TRERF1: variants seen among roughly 807,000 people sequenced by gnomAD.
TRERF1 encodes the protein transcriptional regulating factor 1.
Under a neutral mutation model 122.9 loss-of-function variants are expected in TRERF1, and 27 were observed. That is an observed-to-expected ratio of 0.22 (90% CI 0.16 to 0.30). The LOEUF is 0.30. Among genes scored for constraint, TRERF1 ranks in the 10% least tolerant of loss-of-function variants. The probability of loss-of-function intolerance (pLI) is 1.00; values close to 1 mark genes in which losing one functional copy is unlikely to be tolerated. For synonymous variants in TRERF1, 636 were observed against 641.7 expected, an observed-to-expected ratio of 0.99 and a Z score of 0.13; for missense variants, 1,248 against 1,560.3, an observed-to-expected ratio of 0.80 and a Z score of 3.37.
At chr6:42,226,667 T>C (rs1174983937) in exon 18 of TRERF1, 1 of 152,282 alleles carries the variant, frequency 6.6e-6, no homozygotes, top group Non-Finnish European at 1.5e-5. Flanking sequence ...CCACTGTCTG[T>C]GTGGGGCTGC....
Position 42,275,765 on chromosome 6 carries a change from C to T in TRERF1, c.-258-5917G>A, listed in dbSNP as rs1366807098. On this transcript the variant is annotated intron_variant, in intron 4 of 17. Transcript: ENST00000372922. This position sits in a 1 kb window ranked among gnomAD's most constrained non-coding sequence, Gnocchi z 4.1. ...ATTTATGGAGTGCTGTAGATAATAA[C>T]AAGGCTCTACAGAGACCTCCCAGCA... 6.6e-6 allele frequency among the ~76,000 whole-genome samples: 1 copy of T among 152,178 alleles called. No individual in the cohort carries two copies. Among genetic ancestry groups the T allele is most frequent in the South Asian group, 2.1e-4 (1 of 4,830 alleles).
intron 3 of TRERF1, among the ~76,000 whole-genome samples, chr6:42,317,352 G>C (rs1014286455): frequency 1.3e-5 from 2 of 151,840 alleles, no homozygotes; most frequent in African/African-American, 4.8e-5. Flanking sequence ...AGTAGTTTTT[G>C]TTTGTTTGTT....
intron 12 of TRERF1, 42 bp from the exon 13 acceptor site, chr6:42,254,968 G>C: frequency 6.3e-7 from 1 of 1,589,556 alleles, no homozygotes; most frequent in Non-Finnish European, 8.6e-7. Flanking sequence ...TCAGCAACTG[G>C]TCTGTGTGTC....
chr6:42,292,318 C>A (rs1483606168), intron 4 of TRERF1, among the ~76,000 whole-genome samples: 1 of 152,106 alleles, frequency 6.6e-6, no homozygotes, highest in Non-Finnish European at 1.5e-5. Context: ...GCAGAAATTG[C>A]CAGGAGTGGA....
At chr6:42,397,921 T>C (rs1778861064) in intron 2 of TRERF1, among the ~76,000 whole-genome samples, 1 of 152,198 alleles carries the variant, frequency 6.6e-6, no homozygotes, top group African/African-American at 2.4e-5. Context: ...TTCCTTCCAC[T>C]CATCGCAGAA....
chr6:42,428,408 AAGG>A (rs768166905), intron 2 of TRERF1, among the ~76,000 whole-genome samples: 4 of 152,202 alleles, frequency 2.6e-5, no homozygotes, highest in African/African-American at 9.7e-5. Context: ...GAGGAAATGA[AAGG>A]AGGTGAAACT....
chr6:42,316,317 G>A (rs1762494396), intron 3 of TRERF1, among the ~76,000 whole-genome samples: 2 of 152,148 alleles, frequency 1.3e-5, no homozygotes, highest in South Asian at 2.1e-4. Context: ...ACTAAGAAAT[G>A]AGAAAAATGC....
intron 3 of TRERF1, among the ~76,000 whole-genome samples, chr6:42,309,162 C>T (rs1223941400): frequency 6.6e-6 from 1 of 152,140 alleles, no homozygotes; most frequent in Non-Finnish European, 1.5e-5. Flanking sequence ...GCCTAAAAGG[C>T]AGGGTCGATT....
At chr6:42,240,706 TG>T (rs1773485866) in intron 15 of TRERF1, among the ~76,000 whole-genome samples, 1 of 152,196 alleles carries the variant, frequency 6.6e-6, no homozygotes, top group African/African-American at 2.4e-5. Context: ...GGGTTCATGG[TG>T]TATTTCCACT....
intron 2 of TRERF1, among the ~76,000 whole-genome samples, chr6:42,366,014 C>A (rs1206394579): frequency 1.3e-5 from 2 of 152,138 alleles, no homozygotes; most frequent in East Asian, 3.8e-4. Flanking sequence ...CTCTGCTCAC[C>A]CCATCTGTAA....
chr6:42,423,208 C>T lies in TRERF1; in HGVS notation c.-454+27969G>A, dbSNP rs767476991. On this transcript the variant is annotated intron_variant, in intron 2 of 17. Transcript: ENST00000372922. ...CCAGAGGAACTCATCTTGGTTTCTTCCAGCCCATCCGTAACTCTACTCGAA... is the reference window on the plus strand; with the variant it reads ...CCAGAGGAACTCATCTTGGTTTCTTTCAGCCCATCCGTAACTCTACTCGAA... Among the ~76,000 whole-genome samples the T allele has an allele frequency of 1.2e-3, 186 of 152,318 alleles. 2 individuals are homozygous for T. The highest frequency in any genetic ancestry group is 3.4e-3 in the Middle Eastern group (1 of 294).
At chr6:42,361,005 T>C (rs1217875298) in intron 3 of TRERF1, among the ~76,000 whole-genome samples, 2 of 152,114 alleles carry the variant, frequency 1.3e-5, no homozygotes, top group East Asian at 1.9e-4. Flanking sequence ...GAAACGAGCT[T>C]CTATGGCCTG....
In TRERF1 at chr6:42,317,919, C is replaced by T. The variant is rs928543905; in HGVS notation, c.-370-17170G>A. Among the ~76,000 whole-genome samples, 5 of 152,010 alleles carry T rather than the reference C, an allele frequency of 3.3e-5. No individual in the cohort carries two copies. The South Asian group carries it at 8.3e-4, about 25-fold the overall frequency. On this transcript the variant is annotated intron_variant, in intron 3 of 17. Transcript: ENST00000372922. ...CTGTAATCCCAGCACTTCAGGAGGC[C>T]GAGGCAGGCGGATCACCTGAGGTTA...
intron 4 of TRERF1, among the ~76,000 whole-genome samples, chr6:42,283,390 C>A (rs191850895): frequency 5.9e-5 from 9 of 152,088 alleles, no homozygotes; most frequent in Admixed American, 5.9e-4. Context: ...TAAGGGTCAA[C>A]TATGTATTTA....
chr6:42,299,808 T>C (rs902733410), intron 4 of TRERF1, among the ~76,000 whole-genome samples: 15 of 152,318 alleles, frequency 9.8e-5, no homozygotes, highest in African/African-American at 3.6e-4. Context: ...GACCCTGTCT[T>C]TCTTCTTCAT....
chr6:42,339,946 A>G (rs1315074440), intron 3 of TRERF1, among the ~76,000 whole-genome samples: 1 of 152,168 alleles, frequency 6.6e-6, no homozygotes, highest in Non-Finnish European at 1.5e-5. Context: ...ATTCAAACCA[A>G]CATGTTTTCT....
At chr6:42,348,473 G>T (rs1214408082) in intron 3 of TRERF1, among the ~76,000 whole-genome samples, 1 of 151,916 alleles carries the variant, frequency 6.6e-6, no homozygotes, top group Non-Finnish European at 1.5e-5. Context: ...GGCTGGTCCC[G>T]AACTCCTGAC....
intron 15 of TRERF1, among the ~76,000 whole-genome samples, chr6:42,237,410 C>T (rs1367801491): frequency 6.6e-6 from 1 of 152,192 alleles, no homozygotes; most frequent in Non-Finnish European, 1.5e-5. Context: ...TCCTGCAGGC[C>T]CCAAAAGGGC....
At chr6:42,422,504 C>CAAAAAAAAA (rs70987594) in intron 2 of TRERF1, among the ~76,000 whole-genome samples, 1 of 120,696 alleles carries the variant, frequency 8.3e-6, no homozygotes, top group Non-Finnish European at 1.6e-5. Flanking sequence ...ACCCTGTCTC[C>CAAAAAAAAA]AAAAAAAAAA....
Sources: gnomAD v4.1 joint callset for allele counts (sites outside exome capture counted in the v4.1 genomes callset) on GRCh38, gnomAD v4.1.1 for gene constraint, Gnocchi (gnomAD v3.1) non-coding constraint, MANE v1.5 for transcripts, NCBI Gene and HGNC (gene_info 2026-07-23, HGNC 2026-07-21) for gene names.